OTUD7A: variants seen among roughly 807,000 people sequenced by gnomAD.
OTUD7A encodes the protein OTU deubiquitinase 7A.
Under a neutral mutation model 65.7 loss-of-function variants are expected in OTUD7A, and 12 were observed. The observed-to-expected ratio is 0.18, with a 90% confidence interval of 0.12 to 0.30. The LOEUF (loss-of-function observed/expected upper bound fraction) is 0.30, where lower values mean the gene tolerates loss of function less well. OTUD7A is among the 10% of genes least tolerant of loss of function. OTUD7A has a pLI of 1.00. For synonymous variants in OTUD7A, 641 were observed against 586.3 expected, an observed-to-expected ratio of 1.09 and a Z score of -1.35; for missense variants, 1,148 against 1,304.8, an observed-to-expected ratio of 0.88 and a Z score of 1.85.
intron 8 of OTUD7A, among the ~76,000 whole-genome samples, chr15:31,516,862 GC>G (rs1333452718): frequency 4.6e-5 from 7 of 152,116 alleles, no homozygotes; most frequent in African/African-American, 1.7e-4. Flanking sequence ...ACTCATGATG[GC>G]CTCCATGCCC....
chr15:31,742,565 T>C (rs1008120465), intron 1 of OTUD7A, among the ~76,000 whole-genome samples: 18 of 152,230 alleles, frequency 1.2e-4, no homozygotes, highest in African/African-American at 4.3e-4. Context: ...GTCAAAAGCT[T>C]TTCCTACCAC....
chr15:31,669,347 G>A (rs957992430), intron 1 of OTUD7A, among the ~76,000 whole-genome samples: 2 of 152,198 alleles, frequency 1.3e-5, no homozygotes, highest in Admixed American at 1.3e-4. Flanking sequence ...GGATGGGGGT[G>A]AGGTTCCCAG....
chr15:31,809,212 C>T (rs182382931), intron 1 of OTUD7A, among the ~76,000 whole-genome samples: 54 of 152,292 alleles, frequency 3.5e-4, no homozygotes, highest in Middle Eastern at 3.4e-3. Flanking sequence ...CACTGAGGAA[C>T]GTTCCTGTAA....
At chr15:31,537,223 C>A (rs910713664) in intron 5 of OTUD7A, among the ~76,000 whole-genome samples, 5 of 152,080 alleles carry the variant, frequency 3.3e-5, no homozygotes, top group African/African-American at 9.7e-5. Flanking sequence ...TATAAAAAAA[C>A]TTCTTGGTTC....
In OTUD7A at chr15:31,479,824, A is replaced by G. The variant is rs932542851; in HGVS notation, c.*3470T>C. 6.6e-6 allele frequency: 1 copy of G among 152,216 alleles called. No homozygotes were observed. Among genetic ancestry groups the G allele is most frequent in the African/African-American group, 2.4e-5 (1 of 41,444 alleles). The allele number at this position is 152,216 out of a possible 1,614,324, so 9.4% of individuals were successfully genotyped here. ...TAAGCTACGAGAAGTAGTAAATTAA[A>G]TCATTTGGGAAAACATTCGATTTGT... On this transcript the variant is annotated 3_prime_UTR_variant, in exon 13 of 13. Transcript: ENST00000307050.
rs1160270551 is a variant in OTUD7A at position 31,635,288 on chromosome 15, G to T, written c.151+19808C>A. ...GTACTAAATACGGCACTACCTTGGT[G>T]CTCCTGGGACCTACAGGTCACCTTG... On this transcript the variant is annotated intron_variant, in intron 3 of 12. Transcript: ENST00000307050. 2.0e-5 allele frequency among the ~76,000 whole-genome samples: 3 copies of T among 152,178 alleles called. No individual in the cohort carries two copies. The East Asian group carries it at 5.8e-4, about 29-fold the overall frequency.
chr15:31,647,525 T>C (rs1178672002), intron 3 of OTUD7A, among the ~76,000 whole-genome samples: 4 of 152,368 alleles, frequency 2.6e-5, no homozygotes, highest in Non-Finnish European at 5.9e-5. Flanking sequence ...GCTTGCTTTC[T>C]CACTTCCTCA....
chr15:31,610,342 A>G (rs1890364570), intron 3 of OTUD7A, among the ~76,000 whole-genome samples: 1 of 151,994 alleles, frequency 6.6e-6, no homozygotes, highest in Non-Finnish European at 1.5e-5. Context: ...GATAGATGGC[A>G]ACACAATAAG....
At chr15:31,651,262 T>TAA (rs1384685386) in intron 3 of OTUD7A, among the ~76,000 whole-genome samples, 1 of 146,472 alleles carries the variant, frequency 6.8e-6, no homozygotes, top group African/African-American at 2.6e-5. Context: ...ATCTTCATTT[T>TAA]AAAAATTCAG....
intron 3 of OTUD7A, among the ~76,000 whole-genome samples, chr15:31,630,449 C>A (rs201120814): frequency 7.9e-5 from 12 of 151,492 alleles, no homozygotes; most frequent in Non-Finnish European, 8.9e-5. Flanking sequence ...GCACTGTGGT[C>A]TGAGAGACAG....
At chr15:31,800,556 G>A (rs1427040364) in intron 1 of OTUD7A, among the ~76,000 whole-genome samples, 1 of 152,174 alleles carries the variant, frequency 6.6e-6, no homozygotes, top group East Asian at 1.9e-4. Flanking sequence ...AATGGCCTCT[G>A]TGGCTGGTTA....
rs377185847 is a variant in OTUD7A at position 31,484,698 on chromosome 15, G to C, written c.1398C>G (p.Pro466=). 2 of 1,586,148 alleles carry C rather than the reference G, an allele frequency of 1.3e-6. No individual in the cohort carries two copies. The highest frequency in any genetic ancestry group is 1.3e-5 in the African/African-American group (1 of 74,742). Residue 466 remains proline (P), a synonymous_variant, in exon 13 of 13, where the codon CCC becomes CCG. Transcript: ENST00000307050. This position sits in a 1 kb window ranked among gnomAD's most constrained non-coding sequence, Gnocchi z 4.5. The part of the protein sequence containing the change: ...TRAPLAQPES[P]TASAGEDVQS... Reference sequence around the variant, plus strand: ...GCACGTCCTCCCCTGCCGAGGCCGTGGGAGACTCCGGCTGTGCCAGGGGCG... The same window carrying C: ...GCACGTCCTCCCCTGCCGAGGCCGTCGGAGACTCCGGCTGTGCCAGGGGCG...
chr15:31,615,782 T>A (rs551143633), intron 3 of OTUD7A, among the ~76,000 whole-genome samples: 1 of 152,366 alleles, frequency 6.6e-6, no homozygotes, highest in East Asian at 1.9e-4. Context: ...TGTAGGGGAC[T>A]GGCTGTGCCA....
intron 3 of OTUD7A, among the ~76,000 whole-genome samples, chr15:31,610,603 ATATATATATATATATTTTTTTTT>A (rs1890375650): frequency 7.8e-5 from 3 of 38,400 alleles, no homozygotes; most frequent in African/African-American, 3.3e-4. Flanking sequence ...TTATATATAT[ATATATATATATATATTTTTTTTT>A]TTTTTTTTTT....
intron 1 of OTUD7A, among the ~76,000 whole-genome samples, chr15:31,808,196 T>G (rs968880694): frequency 6.7e-6 from 1 of 149,554 alleles, no homozygotes; most frequent in South Asian, 2.1e-4. Flanking sequence ...AACTCAAGAA[T>G]TGACACTCCA....
At chr15:31,795,308 G>A (rs968360896) in intron 1 of OTUD7A, among the ~76,000 whole-genome samples, 1 of 152,190 alleles carries the variant, frequency 6.6e-6, no homozygotes, top group African/African-American at 2.4e-5. Context: ...TTGTCTTCGG[G>A]AAGGTTGAAC....
intron 5 of OTUD7A, among the ~76,000 whole-genome samples, chr15:31,541,221 T>G (rs1036555491): frequency 6.6e-6 from 1 of 152,140 alleles, no homozygotes; most frequent in Non-Finnish European, 1.5e-5. Flanking sequence ...AAGAAAAAAG[T>G]TGAGTAGATC....
chr15:31,791,687 T>G (rs900700843), intron 1 of OTUD7A, among the ~76,000 whole-genome samples: 1 of 152,110 alleles, frequency 6.6e-6, no homozygotes, highest in South Asian at 2.1e-4. Flanking sequence ...ATTCATGAAG[T>G]GTATTTTATA....
intron 1 of OTUD7A, among the ~76,000 whole-genome samples, chr15:31,752,563 CATGCATT>C (rs1245572462): frequency 6.6e-6 from 1 of 152,142 alleles, no homozygotes; most frequent in Non-Finnish European, 1.5e-5. Flanking sequence ...TTTGCTACAT[CATGCATT>C]AGTCATCTGG....
Sources: allele counts gnomAD v4.1 joint callset (sites outside exome capture counted in the v4.1 genomes callset), GRCh38; gene constraint gnomAD v4.1.1; non-coding constraint Gnocchi (gnomAD v3.1); transcripts MANE v1.5; gene names NCBI Gene and HGNC (gene_info 2026-07-23, HGNC 2026-07-21).